EFNA5: variants seen among roughly 807,000 people sequenced by gnomAD.
EFNA5 encodes the protein ephrin-A5.
EFNA5 carries 5 observed loss-of-function variants against 22.9 expected under a neutral mutation model. That is an observed-to-expected ratio of 0.22 (90% CI 0.11 to 0.46). EFNA5 has a LOEUF of 0.46. Ranked by LOEUF, EFNA5 falls within the 20% of genes least tolerant of loss-of-function variation. The pLI is 0.99. For synonymous variants in EFNA5, 113 were observed against 112.2 expected (o/e 1.01, Z -0.04); for missense variants, 237 against 293.3 (o/e 0.81, Z 1.40).
intron 1 of EFNA5, among the ~76,000 whole-genome samples, chr5:107,607,502 A>G (rs1749748531): frequency 1.3e-5 from 2 of 152,176 alleles, no homozygotes; most frequent in Admixed American, 1.3e-4. Flanking sequence ...AAAACGAATT[A>G]TATTTTTTTT....
intron 1 of EFNA5, among the ~76,000 whole-genome samples, chr5:107,636,108 G>T (rs1002522082): frequency 6.6e-6 from 1 of 152,100 alleles, no homozygotes; most frequent in African/African-American, 2.4e-5. Flanking sequence ...GGCATCTAAA[G>T]TTCTTAACTA....
chr5:107,443,294 G>A (rs914697064), intron 1 of EFNA5, among the ~76,000 whole-genome samples: 1 of 152,216 alleles, frequency 6.6e-6, no homozygotes, highest in Non-Finnish European at 1.5e-5. Flanking sequence ...GATAGAACCA[G>A]TAAACAAAGA....
intron 1 of EFNA5, among the ~76,000 whole-genome samples, chr5:107,473,722 G>C (rs898900165): frequency 6.7e-6 from 1 of 150,296 alleles, no homozygotes; most frequent in Admixed American, 6.6e-5. Context: ...TGCAAATGGT[G>C]TGATCTCGGC....
At position 107,624,051 on chromosome 5, in the gene EFNA5, G is replaced by C. The variant is rs552929455; in HGVS notation, c.125+46438C>G. Among the ~76,000 whole-genome samples the C allele has an allele frequency of 3.3e-5, 5 of 151,974 alleles. No individual in the cohort carries two copies. In the East Asian group the frequency reaches 7.7e-4, roughly 23 times the overall value. ...TTGCTCTAGAAATATGCAGAGTTAA[G>C]ACCCGAAATAGGCCTTAATCTAGTA... On this transcript the variant is annotated intron_variant, in intron 1 of 4. Transcript: ENST00000333274.
At chr5:107,432,322 G>C (rs996611163) in intron 1 of EFNA5, among the ~76,000 whole-genome samples, 1 of 152,232 alleles carries the variant, frequency 6.6e-6, no homozygotes, top group Non-Finnish European at 1.5e-5. Flanking sequence ...AGAGGAAACT[G>C]ACATCTAGGA....
intron 4 of EFNA5, among the ~76,000 whole-genome samples, chr5:107,385,879 C>G (rs1747601879): frequency 6.6e-6 from 1 of 152,142 alleles, no homozygotes; most frequent in South Asian, 2.1e-4. Flanking sequence ...TGGGGAGCCA[C>G]TAAGACCTCG....
intron 1 of EFNA5, among the ~76,000 whole-genome samples, chr5:107,654,313 C>T (rs536407903): frequency 6.6e-6 from 1 of 151,960 alleles, no homozygotes; most frequent in Admixed American, 6.6e-5. Flanking sequence ...AACTACTTAA[C>T]CATAAGGATT....
intron 1 of EFNA5, among the ~76,000 whole-genome samples, chr5:107,601,680 G>C (rs1683822516): frequency 6.6e-6 from 1 of 152,162 alleles, no homozygotes; most frequent in African/African-American, 2.4e-5. Context: ...TGCAGTAACT[G>C]AACACTTATT....
chr5:107,484,779 C>T (rs25966), intron 1 of EFNA5, among the ~76,000 whole-genome samples: 83,086 of 151,572 alleles, frequency 0.55, 23,580 homozygotes, highest in East Asian at 0.84. Flanking sequence ...GAGCTGTTAA[C>T]TGTGATAGTT....
At chr5:107,632,428 A>G (rs1750275396) in intron 1 of EFNA5, among the ~76,000 whole-genome samples, 1 of 152,180 alleles carries the variant, frequency 6.6e-6, no homozygotes, top group Admixed American at 6.5e-5. Context: ...AGCAAGACTC[A>G]CAAATACTGG....
At chr5:107,617,988 C>T (rs974581008) in intron 1 of EFNA5, among the ~76,000 whole-genome samples, 9 of 151,958 alleles carry the variant, frequency 5.9e-5, no homozygotes, top group South Asian at 4.2e-4. Flanking sequence ...AATAGCAAGA[C>T]GCTGTCTCTG....
intron 1 of EFNA5, among the ~76,000 whole-genome samples, chr5:107,457,453 T>G (rs1466673869): frequency 6.6e-6 from 1 of 152,194 alleles, no homozygotes. Flanking sequence ...TCCTGTATGC[T>G]TTAAATCATC....
chr5:107,625,089 T>C (rs989026107), intron 1 of EFNA5, among the ~76,000 whole-genome samples: 2 of 152,152 alleles, frequency 1.3e-5, no homozygotes, highest in African/African-American at 4.8e-5. Context: ...TAATTGAAAG[T>C]AGCGGAAACT....
intron 1 of EFNA5, among the ~76,000 whole-genome samples, chr5:107,446,309 T>C (rs1749392818): frequency 1.3e-5 from 2 of 152,186 alleles, no homozygotes; most frequent in South Asian, 4.1e-4. Context: ...GGTATTATTT[T>C]TACCACTAAA....
chr5:107,651,398 T>C (rs777664841), intron 1 of EFNA5, among the ~76,000 whole-genome samples: 1 of 152,106 alleles, frequency 6.6e-6, no homozygotes, highest in Admixed American at 6.6e-5. Context: ...CTGTGGCCTA[T>C]AAAGCAAAAA....
intron 1 of EFNA5, among the ~76,000 whole-genome samples, chr5:107,482,323 T>A (rs964793366): frequency 3.7e-5 from 5 of 134,568 alleles, no homozygotes; most frequent in African/African-American, 5.5e-5. Flanking sequence ...AAAAAAAAAA[T>A]GCTATTTTTG....
intron 1 of EFNA5, among the ~76,000 whole-genome samples, chr5:107,595,648 G>C (rs1012842016): frequency 2.6e-5 from 4 of 152,204 alleles, no homozygotes; most frequent in African/African-American, 9.6e-5. Flanking sequence ...CATCTGAGTA[G>C]CTTCCCTGCA....
At chr5:107,668,054 T>G (rs181875209) in intron 1 of EFNA5, among the ~76,000 whole-genome samples, 188 of 152,324 alleles carry the variant, frequency 1.2e-3, no homozygotes, top group African/African-American at 4.4e-3. Flanking sequence ...AAATATTGTT[T>G]TTAAAGTAAG....
chr5:107,452,722 C>A (rs1749593515), intron 1 of EFNA5, among the ~76,000 whole-genome samples: 1 of 152,028 alleles, frequency 6.6e-6, no homozygotes, highest in Non-Finnish European at 1.5e-5. Context: ...AGAATGAGAC[C>A]CTGTCTCAGA....
Sources: allele counts gnomAD v4.1 joint callset (sites outside exome capture counted in the v4.1 genomes callset), GRCh38; gene constraint gnomAD v4.1.1; transcripts MANE v1.5; gene names NCBI Gene and HGNC (gene_info 2026-07-23, HGNC 2026-07-21).